LUC7L3: variants seen among roughly 807,000 people sequenced by gnomAD.
LUC7L3 encodes the protein luc7-like protein 3.
In LUC7L3, 6 loss-of-function variants were observed where a neutral mutation model predicts 66.8. The ratio of observed to expected loss-of-function variants is 0.09; its 90% confidence interval spans 0.05 to 0.18. LUC7L3 has a LOEUF of 0.18. Among genes scored for constraint, LUC7L3 ranks in the 10% least tolerant of loss-of-function variants. The pLI, the probability that LUC7L3 is intolerant of heterozygous loss-of-function variation, is 1.00. For synonymous variants in LUC7L3, 160 were observed against 174.7 expected (o/e 0.92, Z 0.66); for missense variants, 341 against 531.1 (o/e 0.64, Z 3.52).
At chr17:50,729,959 G>T (rs1246408174) in intron 1 of LUC7L3, among the ~76,000 whole-genome samples, 1 of 127,222 alleles carries the variant, frequency 7.9e-6, no homozygotes, top group African/African-American at 3.0e-5. Flanking sequence ...TGTATTTTGG[G>T]GGTGGGGAGG....
At chr17:50,734,413 C>T (rs566487245) in intron 1 of LUC7L3, among the ~76,000 whole-genome samples, 4 of 152,164 alleles carry the variant, frequency 2.6e-5, no homozygotes, top group African/African-American at 4.8e-5. Context: ...GTGATCCTCC[C>T]GCCTTGGCCT....
At chr17:50,745,345 T>C (rs1970601576) in intron 7 of LUC7L3, among the ~76,000 whole-genome samples, 1 of 152,206 alleles carries the variant, frequency 6.6e-6, no homozygotes, top group African/African-American at 2.4e-5. Context: ...AGCTACAGCT[T>C]TTAGCTATCA....
At chr17:50,740,246 TGGC>T in intron 2 of LUC7L3, 57 bp from the exon 3 acceptor site, 1 of 1,258,724 alleles carries the variant, frequency 7.9e-7, no homozygotes. Flanking sequence ...TCTTTTTTTT[TGGC>T]AAGAAAAGGT....
Position 50,719,745 on chromosome 17 carries a change from G to T in LUC7L3, c.13G>T (p.Ala5Ser), listed in dbSNP as rs1312240183. ...CGAAGGAAGCACCATGATTTCGGCC[G>T]CGCAGTTGTTGGATGAGTTAATGGG... is the stretch of plus-strand genomic sequence containing the variant. MISA[A>S]QLLDELMGRD... Residue 5 changes from alanine to serine, a missense_variant, in exon 1 of 10, where the codon GCG (alanine) becomes TCG (serine). By Grantham distance (99) the Ala-to-Ser change is moderately conservative (BLOSUM62 1). Coordinates refer to ENST00000505658, the MANE Select transcript of LUC7L3 (RefSeq NM_016424.5). 1 of 1,611,866 alleles carries T rather than the reference G, an allele frequency of 6.2e-7. No homozygotes were observed. Among genetic ancestry groups the T allele is most frequent in the African/African-American group, 1.3e-5 (1 of 74,786 alleles).
intron 2 of LUC7L3, among the ~76,000 whole-genome samples, chr17:50,739,315 A>G (rs753755193): frequency 3.0e-4 from 46 of 152,210 alleles, no homozygotes; most frequent in Non-Finnish European, 5.1e-4. Context: ...TGAAATTAGT[A>G]TTGAGATAGT....
chr17:50,735,235 A>AG (rs1409320488), intron 1 of LUC7L3, among the ~76,000 whole-genome samples: 1 of 86,300 alleles, frequency 1.2e-5, no homozygotes, highest in East Asian at 3.3e-4. Context: ...TGTCTCAAAA[A>AG]AAAAAAAAAA....
rs756445766 is a variant in LUC7L3, at chr17:50,750,747, T to C, written c.*86T>C. On this transcript the variant is annotated 3_prime_UTR_variant, in exon 10 of 10. Transcript: ENST00000505658. ...AGGGCTTTTTGTTACTGTTTGACAG[T>C]GCAGCGTAAGTATGCACAGATGAAG... 73 of 1,610,196 alleles carry C rather than the reference T, an allele frequency of 4.5e-5. No individual in the cohort carries two copies. The highest frequency in any genetic ancestry group is 5.9e-5 in the Non-Finnish European group (70 of 1,178,580).
chr17:50,749,356 C>A, intron 9 of LUC7L3: 1 of 1,287,184 alleles, frequency 7.8e-7, no homozygotes, highest in South Asian at 1.2e-5. Flanking sequence ...TCAGTTAGAG[C>A]CCACTGTCCT....
At chr17:50,733,412 T>TTC (rs1316859577) in intron 1 of LUC7L3, among the ~76,000 whole-genome samples, 1 of 146,262 alleles carries the variant, frequency 6.8e-6, no homozygotes, top group Admixed American at 6.8e-5. Flanking sequence ...TTTTTTTTTT[T>TTC]TTTTTTTGAG....
At chr17:50,743,125 C>A (rs1307431553) in intron 5 of LUC7L3, among the ~76,000 whole-genome samples, 1 of 151,994 alleles carries the variant, frequency 6.6e-6, no homozygotes, top group Non-Finnish European at 1.5e-5. Context: ...CACCTGTAAT[C>A]CCAGCACTTT....
intron 2 of LUC7L3, among the ~76,000 whole-genome samples, chr17:50,739,449 C>G (rs780001749): frequency 6.6e-6 from 1 of 152,104 alleles, no homozygotes; most frequent in African/African-American, 2.4e-5. Flanking sequence ...GTGAGGAGTT[C>G]AAGAACAGCT....
At position 50,756,174 on chromosome 17, in the gene LUC7L3, T is replaced by C. The variant is rs1264684061; in HGVS notation, c.*5513T>C. The C allele has an allele frequency of 6.6e-6, 1 of 151,986 alleles. No homozygotes were observed. Among genetic ancestry groups the C allele is most frequent in the African/African-American group, 2.4e-5 (1 of 41,286 alleles). 9.4% of individuals were successfully genotyped at this position (151,986 alleles called of 1,614,324 possible). On this transcript the variant is annotated 3_prime_UTR_variant, in exon 10 of 10. Transcript: ENST00000505658. Reference sequence around the variant, plus strand: ...ATCTGTATGTTTATGTGCTTTTGTATGTATGATATTTCTTAATAAAATTTA... The same window carrying C: ...ATCTGTATGTTTATGTGCTTTTGTACGTATGATATTTCTTAATAAAATTTA...
At chr17:50,745,064 A>C (rs1354898156) in intron 7 of LUC7L3, among the ~76,000 whole-genome samples, 1 of 152,072 alleles carries the variant, frequency 6.6e-6, no homozygotes, top group Non-Finnish European at 1.5e-5. Flanking sequence ...ATCTCGGCTC[A>C]CCGCAACCTC....
intron 9 of LUC7L3, among the ~76,000 whole-genome samples, chr17:50,749,555 T>C (rs1186212251): frequency 1.3e-5 from 2 of 152,336 alleles, no homozygotes; most frequent in South Asian, 2.1e-4. Context: ...TTCCTAGATA[T>C]TTGGTGTTAC....
At position 50,744,674 on chromosome 17, in the gene LUC7L3, A is replaced by G; in HGVS notation, c.554A>G (p.Gln185Arg). ...TTSTIESFAA[Q>R]EKQMEVCEVC... ...TAGACAATTGAAAGCTTTGCTGCACAAGAAAAACAAATGGAAGTTTGTGAA... is the reference window on the plus strand; with the variant it reads ...TAGACAATTGAAAGCTTTGCTGCACGAGAAAAACAAATGGAAGTTTGTGAA... The change falls in exon 7 of 10, where the codon CAA becomes CGA. Residue 185 changes from glutamine (Q) to arginine (R), a missense_variant. Physicochemically the swap from Gln to Arg is conservative, Grantham distance 43. Around this residue, in one of 6 missense-constraint regions of LUC7L3, gnomAD observed 86 missense variants for 172.0 expected, o/e 0.50. Coordinates refer to ENST00000505658, the MANE Select transcript of LUC7L3 (RefSeq NM_016424.5). The G allele has an allele frequency of 6.2e-7, 1 of 1,613,640 alleles. No individual in the cohort carries two copies.
At chr17:50,736,343 C>T (rs1036323123) in intron 1 of LUC7L3, among the ~76,000 whole-genome samples, 4 of 152,064 alleles carry the variant, frequency 2.6e-5, no homozygotes, top group African/African-American at 9.7e-5. Flanking sequence ...ATAGTTTTTC[C>T]CCATACTGTG....
chr17:50,719,917 A>G (rs889663306), intron 1 of LUC7L3, 86 bp downstream of exon 1: 8 of 1,311,564 alleles, frequency 6.1e-6, no homozygotes, highest in Middle Eastern at 2.2e-4. Context: ...CCGCGGCGCG[A>G]TGTGGCCAGG....
intron 1 of LUC7L3, among the ~76,000 whole-genome samples, chr17:50,726,280 T>TC (rs1969178198): frequency 6.6e-6 from 1 of 152,182 alleles, no homozygotes. Context: ...CAAGCAGTTC[T>TC]CATACCTCAG....
Position 50,752,290 on chromosome 17 carries a change from G to A in LUC7L3, c.*1629G>A. The A allele has an allele frequency of 8.9e-7, 1 of 1,123,250 alleles. No individual in the cohort carries two copies. The highest frequency in any genetic ancestry group is 1.2e-6 in the Non-Finnish European group (1 of 858,272). The allele number at this position is 1,123,250 out of a possible 1,614,324, so 69.6% of individuals were successfully genotyped here. A position where few individuals can be genotyped will look rare whatever the true frequency, so the allele number is the denominator to read the frequency against. ...AAATGAGGTGAAAGAAAGCTATAGTGGCATAGAAAAAGTATAAAGCTCAGT... is the reference window on the plus strand; with the variant it reads ...AAATGAGGTGAAAGAAAGCTATAGTAGCATAGAAAAAGTATAAAGCTCAGT... On this transcript the variant is annotated 3_prime_UTR_variant, in exon 10 of 10. Coordinates refer to ENST00000505658, the MANE Select transcript of LUC7L3 (RefSeq NM_016424.5).
Sources: allele counts gnomAD v4.1 joint callset (sites outside exome capture counted in the v4.1 genomes callset), GRCh38; gene constraint gnomAD v4.1.1; regional missense constraint gnomAD v4.1.1; transcripts MANE v1.5; gene names NCBI Gene and HGNC (gene_info 2026-07-23, HGNC 2026-07-21).